SLC16A12: variants seen among roughly 807,000 people sequenced by gnomAD.
SLC16A12 encodes solute carrier family 16 member 12.
A neutral mutation model predicts 42.4 loss-of-function variants in SLC16A12; 17 were observed. The observed-to-expected ratio is 0.40, with a 90% CI of 0.27 to 0.60. The LOEUF (loss-of-function observed/expected upper bound fraction) is 0.60, where lower values mean the gene tolerates loss of function less well. Among genes scored for constraint, SLC16A12 ranks in the 20% least tolerant of loss-of-function variants. SLC16A12 has a pLI of 0.42. For synonymous variants in SLC16A12, 224 were observed against 229.4 expected (o/e 0.98, Z 0.21); for missense variants, 544 against 623.0 (o/e 0.87, Z 1.35).
chr10:89,533,138 G>GTTTT (rs138214487), intron 2 of SLC16A12, among the ~76,000 whole-genome samples: 18 of 149,178 alleles, frequency 1.2e-4, no homozygotes, highest in Non-Finnish European at 2.4e-4. Context: ...ACCTGAATTT[G>GTTTT]TTTTTTTGTT....
chr10:89,436,998 C>T (rs1841811129), intron 6 of SLC16A12, among the ~76,000 whole-genome samples: 2 of 152,192 alleles, frequency 1.3e-5, no homozygotes, highest in African/African-American at 4.8e-5. Context: ...TCCCAGGCCA[C>T]AGGCAGCCCA....
intron 2 of SLC16A12, among the ~76,000 whole-genome samples, chr10:89,527,079 T>C (rs948493543): frequency 2.6e-5 from 4 of 152,334 alleles, no homozygotes; most frequent in Admixed American, 6.5e-5. Context: ...AAAAATTTAT[T>C]TATTTTTATT....
chr10:89,468,209 A>G (rs1313865716), intron 2 of SLC16A12: 1 of 152,236 alleles, frequency 6.6e-6, no homozygotes, highest in Admixed American at 6.5e-5. Flanking sequence ...GGGTAAAACC[A>G]CAGGACAAGG....
chr10:89,447,078 A>G (rs1270450499), intron 3 of SLC16A12, among the ~76,000 whole-genome samples: 1 of 152,194 alleles, frequency 6.6e-6, no homozygotes, highest in Non-Finnish European at 1.5e-5. Context: ...ATATATACGC[A>G]CCCAATACAG....
At chr10:89,556,085 A>C (rs1843814426) in intron 1 of SLC16A12, 1 of 152,130 alleles carries the variant, frequency 6.6e-6, no homozygotes, top group Non-Finnish European at 1.5e-5. Context: ...AAAATTATTC[A>C]GCTTTATCTC....
intron 3 of SLC16A12, among the ~76,000 whole-genome samples, chr10:89,452,593 T>G (rs1564573265): frequency 6.6e-6 from 1 of 152,194 alleles, no homozygotes; most frequent in Non-Finnish European, 1.5e-5. Flanking sequence ...GGCCCTGTAT[T>G]TTCATTTTGC....
chr10:89,522,750 A>T (rs1325785245), intron 2 of SLC16A12, among the ~76,000 whole-genome samples: 3 of 152,168 alleles, frequency 2.0e-5, no homozygotes, highest in Non-Finnish European at 2.9e-5. Flanking sequence ...CAAGTGACTT[A>T]ACCTCTCTGT....
intron 2 of SLC16A12, among the ~76,000 whole-genome samples, chr10:89,513,642 C>A (rs1843198658): frequency 6.6e-6 from 1 of 152,118 alleles, no homozygotes; most frequent in East Asian, 1.9e-4. Context: ...AGACTTGTTA[C>A]TAATCAAATG....
intron 3 of SLC16A12, among the ~76,000 whole-genome samples, chr10:89,454,965 A>G (rs1461602714): frequency 6.6e-6 from 1 of 152,174 alleles, no homozygotes; most frequent in Non-Finnish European, 1.5e-5. Flanking sequence ...CAAGCCAGGA[A>G]GGAAGGAAAG....
At chr10:89,494,123 G>A (rs906351557) in intron 2 of SLC16A12, among the ~76,000 whole-genome samples, 6 of 152,116 alleles carry the variant, frequency 3.9e-5, no homozygotes, top group East Asian at 1.9e-4. Context: ...TATCTAACAC[G>A]AAAGTGTCAG....
chr10:89,496,657 A>C (rs1157176156), intron 2 of SLC16A12, among the ~76,000 whole-genome samples: 1 of 152,194 alleles, frequency 6.6e-6, no homozygotes, highest in Non-Finnish European at 1.5e-5. Flanking sequence ...GCATATGAAA[A>C]GGCAAAATAA....
chr10:89,552,904 T>C (rs17123666), intron 2 of SLC16A12, among the ~76,000 whole-genome samples: 14,650 of 152,250 alleles, frequency 0.096, 748 homozygotes, highest in Non-Finnish European at 0.11. Flanking sequence ...AAAATGTTTT[T>C]ATTCCCAAGT....
chr10:89,523,224 G>A (rs904949860), intron 2 of SLC16A12, among the ~76,000 whole-genome samples: 1 of 152,188 alleles, frequency 6.6e-6, no homozygotes, highest in African/African-American at 2.4e-5. Context: ...AAAAAGCAGG[G>A]AAGAAAACTC....
At chr10:89,506,270 C>A (rs1386366649) in intron 2 of SLC16A12, among the ~76,000 whole-genome samples, 1 of 152,192 alleles carries the variant, frequency 6.6e-6, no homozygotes, top group African/African-American at 2.4e-5. Flanking sequence ...CCCCATGTAG[C>A]CTGACTGGGA....
At chr10:89,555,930 T>G (rs1843813798) in exon 2 of SLC16A12, 1 of 151,502 alleles carries the variant, frequency 6.6e-6, no homozygotes, top group Admixed American at 6.6e-5. Flanking sequence ...CAGCGCACCC[T>G]GCACTCTGGT....
rs1041312957 is a variant in SLC16A12 at position 89,433,195 on chromosome 10, T to C, written c.1420A>G (p.Ile474Val). The C allele has an allele frequency of 3.1e-6, 5 of 1,614,218 alleles. No homozygotes were observed. Among genetic ancestry groups the C allele is most frequent in the South Asian group, 1.1e-5 (1 of 91,082 alleles). Residue 474 changes from isoleucine (I) to valine (V), a missense_variant, in exon 8 of 8, where the codon ATT (isoleucine) becomes GTT (valine). Transcript: ENST00000371790. Reference protein sequence around the residue: ...KRMRKTQLQFIAKESDPKLQL... With the variant: ...KRMRKTQLQFVAKESDPKLQL... ...AGCTTAGGATCAGATTCTTTGGCAA[T>C]GAACTGCAACTGGGTTTTTCTCATT...
At position 89,474,988 on chromosome 10, in the gene SLC16A12, G is replaced by T. The variant is rs572630730; in HGVS notation, c.-46-12364C>A. Reference sequence around the variant, plus strand: ...TGGTAGAAGCCATAACTGTCATGTTGGATGTTGTGTCCCCAGCAACTAAAC... The same window carrying T: ...TGGTAGAAGCCATAACTGTCATGTTTGATGTTGTGTCCCCAGCAACTAAAC... On this transcript the variant is annotated intron_variant, in intron 2 of 7. Transcript: ENST00000371790. 1.7e-4 allele frequency among the ~76,000 whole-genome samples: 26 copies of T among 152,308 alleles called. 1 individual carries two copies. The highest frequency in any genetic ancestry group is 4.6e-4 in the Admixed American group (7 of 15,302).
At chr10:89,528,133 C>T (rs1440586057) in intron 2 of SLC16A12, among the ~76,000 whole-genome samples, 3 of 151,848 alleles carry the variant, frequency 2.0e-5, no homozygotes, top group Non-Finnish European at 4.4e-5. Flanking sequence ...CCTGGGAGGT[C>T]GAGGCTGCAG....
At chr10:89,555,513 A>G (rs146879886) in intron 2 of SLC16A12, among the ~76,000 whole-genome samples, 285 of 120,954 alleles carry the variant, frequency 2.4e-3, no homozygotes, top group Middle Eastern at 9.2e-3. Context: ...ACGTATATAT[A>G]TGTATATATG....
Sources: gnomAD v4.1 joint callset for allele counts (sites outside exome capture counted in the v4.1 genomes callset) on GRCh38, gnomAD v4.1.1 for gene constraint, MANE v1.5 for transcripts, NCBI Gene and HGNC (gene_info 2026-07-23, HGNC 2026-07-21) for gene names.